The following MTUS2 variants were observed in gnomAD, a reference collection of about 807,000 sequenced individuals.
MTUS2 encodes microtubule associated scaffold protein 2, also known as microtubule-associated tumor suppressor candidate 2.
MTUS2 carries 40 observed loss-of-function variants against 114.1 expected under a neutral mutation model. The observed-to-expected ratio is 0.35, with a 90% CI of 0.27 to 0.46. The LOEUF is 0.46. Ranked by LOEUF, MTUS2 falls within the 20% of genes least tolerant of loss-of-function variation. The probability of loss-of-function intolerance (pLI) is 1.00; values close to 1 mark genes in which losing one functional copy is unlikely to be tolerated. For synonymous variants in MTUS2, 688 were observed against 672.0 expected (o/e 1.02, Z -0.37); for missense variants, 1,679 against 1,705.4 (o/e 0.98, Z 0.27).
chr13:29,458,853 T>C (rs1879291870), intron 9 of MTUS2, among the ~76,000 whole-genome samples: 1 of 152,222 alleles, frequency 6.6e-6, no homozygotes. Context: ...ATAAATGATA[T>C]AGAGGGATAT....
chr13:29,183,877 C>T (rs908850983), intron 5 of MTUS2, among the ~76,000 whole-genome samples: 17 of 152,062 alleles, frequency 1.1e-4, no homozygotes, highest in African/African-American at 4.1e-4. Flanking sequence ...AAAGAATTTT[C>T]CAGGTCTGTA....
At chr13:29,085,760 G>A (rs1889664817) in intron 4 of MTUS2, among the ~76,000 whole-genome samples, 1 of 152,190 alleles carries the variant, frequency 6.6e-6, no homozygotes, top group Non-Finnish European at 1.5e-5. Flanking sequence ...AGGCATGCAT[G>A]TATCTTTTTG....
At chr13:28,977,592 A>G (rs969968114) in intron 2 of MTUS2, among the ~76,000 whole-genome samples, 4 of 152,246 alleles carry the variant, frequency 2.6e-5, no homozygotes, top group African/African-American at 9.6e-5. Context: ...ACACACATTT[A>G]TAGGCTGTTA....
intron 7 of MTUS2, among the ~76,000 whole-genome samples, chr13:29,327,034 C>G (rs960440980): frequency 6.6e-6 from 1 of 151,982 alleles, no homozygotes; most frequent in African/African-American, 2.4e-5. Context: ...AGACTGTGTT[C>G]CCTTATTAAA....
intron 2 of MTUS2, among the ~76,000 whole-genome samples, chr13:28,855,338 GT>G (rs1876555255): frequency 6.6e-6 from 1 of 152,054 alleles, no homozygotes; most frequent in African/African-American, 2.4e-5. Context: ...GTGTGCAATG[GT>G]GGTTTGCTGC....
chr13:29,385,683 T>G (rs534370320), intron 8 of MTUS2, among the ~76,000 whole-genome samples: 1 of 152,256 alleles, frequency 6.6e-6, no homozygotes, highest in African/African-American at 2.4e-5. Flanking sequence ...TGGGGACAAA[T>G]GATTGTCTGG....
chr13:28,910,439 G>A (rs1282709819), intron 2 of MTUS2, among the ~76,000 whole-genome samples: 2 of 151,920 alleles, frequency 1.3e-5, no homozygotes, highest in African/African-American at 4.8e-5. Flanking sequence ...TGTTACATAG[G>A]TAAACGTATG....
At chr13:29,425,108 C>T (rs1395122803) in intron 8 of MTUS2, among the ~76,000 whole-genome samples, 3 of 152,226 alleles carry the variant, frequency 2.0e-5, no homozygotes, top group Non-Finnish European at 2.9e-5. Flanking sequence ...TTAGAAAATA[C>T]TTTAACATAG....
At chr13:29,389,399 A>G (rs111216590) in intron 8 of MTUS2, among the ~76,000 whole-genome samples, 47,477 of 67,696 alleles carry the variant, frequency 0.7, 19,777 homozygotes, top group Admixed American at 0.81. Flanking sequence ...GTGTGTGTAT[A>G]TATGTATACA....
intron 2 of MTUS2, among the ~76,000 whole-genome samples, chr13:28,925,821 A>G (rs1011408563): frequency 1.3e-5 from 2 of 152,272 alleles, no homozygotes; most frequent in African/African-American, 4.8e-5. Flanking sequence ...TATGGCAAAC[A>G]CATAATAGCT....
intron 8 of MTUS2, among the ~76,000 whole-genome samples, chr13:29,382,635 G>A (rs1338687402): frequency 1.3e-5 from 2 of 152,190 alleles, no homozygotes; most frequent in South Asian, 2.1e-4. Context: ...TAAAACTGGC[G>A]CTCTTAAAAC....
intron 2 of MTUS2, among the ~76,000 whole-genome samples, chr13:28,863,585 G>C (rs957141710): frequency 2.0e-5 from 3 of 152,082 alleles, no homozygotes; most frequent in African/African-American, 7.2e-5. Context: ...TTACCAGTGA[G>C]GAAAAAACAC....
chr13:29,416,120 G>A (rs147068603), intron 8 of MTUS2, among the ~76,000 whole-genome samples: 2,548 of 146,652 alleles, frequency 0.017, 75 homozygotes, highest in African/African-American at 0.06. Context: ...GTATGGACAG[G>A]GTGTCACCAT....
intron 5 of MTUS2, among the ~76,000 whole-genome samples, chr13:29,227,258 C>CAA (rs10680419): frequency 0.53 from 63,410 of 119,242 alleles, 17,091 homozygotes; most frequent in Non-Finnish European, 0.55. Context: ...GACTCCGTCT[C>CAA]AAAAAAAAAA....
intron 5 of MTUS2, among the ~76,000 whole-genome samples, chr13:29,141,916 G>T (rs900476305): frequency 6.7e-6 from 1 of 149,986 alleles, no homozygotes; most frequent in Non-Finnish European, 1.5e-5. Context: ...CTGGAGTGCA[G>T]TGGTGTGATC....
intron 5 of MTUS2, among the ~76,000 whole-genome samples, chr13:29,262,813 A>G (rs1187622161): frequency 6.6e-6 from 1 of 152,132 alleles, no homozygotes; most frequent in East Asian, 1.9e-4. Flanking sequence ...AGGGGCTTGC[A>G]TGAGACAGGA....
chr13:29,155,264 G>A (rs1409383995), intron 5 of MTUS2, among the ~76,000 whole-genome samples: 3 of 152,218 alleles, frequency 2.0e-5, no homozygotes, highest in African/African-American at 7.2e-5. Flanking sequence ...CACCCCAATG[G>A]GGGAAATAAG....
chr13:29,434,352 T>C (rs1023702336), intron 8 of MTUS2, among the ~76,000 whole-genome samples: 2 of 152,122 alleles, frequency 1.3e-5, no homozygotes, highest in African/African-American at 4.8e-5. Context: ...TCTCTGCATA[T>C]GCTGCTGCTC....
chr13:29,344,381 A>ATT (rs1868460337), intron 7 of MTUS2, among the ~76,000 whole-genome samples: 1 of 152,148 alleles, frequency 6.6e-6, no homozygotes, highest in African/African-American at 2.4e-5. Flanking sequence ...CTGTTGGACT[A>ATT]GTCCTTTTAT....
Sources: allele counts gnomAD v4.1 joint callset (sites outside exome capture counted in the v4.1 genomes callset), GRCh38; gene constraint gnomAD v4.1.1; transcripts MANE v1.5; gene names NCBI Gene and HGNC (gene_info 2026-07-23, HGNC 2026-07-21).